The following CACNA1E variants were observed in gnomAD, a reference collection of about 807,000 sequenced individuals.
CACNA1E encodes calcium voltage-gated channel subunit alpha1 E.
In CACNA1E, 40 loss-of-function variants were observed where a neutral mutation model predicts 259.2. The ratio of observed to expected loss-of-function variants is 0.15; its 90% CI spans 0.12 to 0.20. The LOEUF (loss-of-function observed/expected upper bound fraction) is 0.20. Among genes scored for constraint, CACNA1E ranks in the 10% least tolerant of loss-of-function variants. CACNA1E has a pLI of 1.00. For missense variants in CACNA1E, 1,874 were observed against 3,040.1 expected, an observed-to-expected ratio of 0.62 and a Z score of 9.02; for synonymous variants, 1,104 against 1,138.5, an observed-to-expected ratio of 0.97 and a Z score of 0.61.
intron 1 of CACNA1E, among the ~76,000 whole-genome samples, chr1:181,378,613 T>A (rs776636984): frequency 1.7e-4 from 26 of 152,314 alleles, no homozygotes; most frequent in Non-Finnish European, 2.4e-4. Flanking sequence ...TAAGTGCATG[T>A]ATGTGAGGAA....
chr1:181,399,797 A>G (rs896547368), intron 1 of CACNA1E, among the ~76,000 whole-genome samples: 6 of 152,256 alleles, frequency 3.9e-5, no homozygotes, highest in African/African-American at 1.2e-4. Flanking sequence ...ACAGGGTGGT[A>G]TGCTTGATGA....
At chr1:181,594,167 T>C (rs533252946) in intron 6 of CACNA1E, among the ~76,000 whole-genome samples, 2 of 151,556 alleles carry the variant, frequency 1.3e-5, no homozygotes, top group Middle Eastern at 3.2e-3. Context: ...GTAATAGATA[T>C]AATAGGTAAA....
intron 39 of CACNA1E, among the ~76,000 whole-genome samples, chr1:181,782,878 CG>C (rs1660543046): frequency 6.6e-6 from 1 of 152,058 alleles, no homozygotes; most frequent in African/African-American, 2.4e-5. Flanking sequence ...AGAAGGGGAG[CG>C]GGGATTGGAG....
At chr1:181,689,747 CAT>C (rs1174699109) in intron 7 of CACNA1E, among the ~76,000 whole-genome samples, 4 of 152,092 alleles carry the variant, frequency 2.6e-5, no homozygotes, top group African/African-American at 7.2e-5. Flanking sequence ...AGCTTTTTTT[CAT>C]ATGTTTCTTG....
At chr1:181,588,042 C>G (rs1240089662) in intron 6 of CACNA1E, among the ~76,000 whole-genome samples, 1 of 152,186 alleles carries the variant, frequency 6.6e-6, no homozygotes, top group East Asian at 1.9e-4. Context: ...CGCACTGCCC[C>G]CAGTGGAAGG....
chr1:181,583,333 C>T lies in CACNA1E; in HGVS notation c.951+2557C>T, dbSNP rs540748206. Among the ~76,000 whole-genome samples the T allele has an allele frequency of 6.1e-4, 93 of 152,188 alleles. 1 individual carries two copies. Among genetic ancestry groups the T allele is most frequent in the Non-Finnish European group, 8.2e-4 (56 of 68,032 alleles). On this transcript the variant is annotated intron_variant, in intron 6 of 47. Transcript: ENST00000367573. ...ACTGTATTGATTTTCCTTTCTACCA[C>T]TCCTCATTCTGGGAAGGCCCAGTTC...
rs946055926 is a variant in CACNA1E, at chr1:181,752,068, C to G, written c.3732-75C>G. ...TCTCTCCCCTTTTAGCCTGTTGTTA[C>G]TAATGCCATAGTTTGAATGTCATTT... On this transcript the variant is annotated intron_variant, in intron 26 of 47. Transcript: ENST00000367573. 5.8e-6 allele frequency: 6 copies of G among 1,042,140 alleles called. No homozygotes were observed. The African/African-American group carries it at 7.8e-5, about 14-fold the overall frequency. The allele number at this position is 1,042,140 out of a possible 1,614,324, so 64.6% of individuals were successfully genotyped here.
intron 6 of CACNA1E, among the ~76,000 whole-genome samples, chr1:181,599,199 A>G (rs1230726018): frequency 6.6e-6 from 1 of 151,884 alleles, no homozygotes; most frequent in Non-Finnish European, 1.5e-5. Flanking sequence ...CCCACTTATA[A>G]GTGAGAACAT....
chr1:181,657,868 T>C (rs1302828939), intron 7 of CACNA1E, among the ~76,000 whole-genome samples: 1 of 152,146 alleles, frequency 6.6e-6, no homozygotes, highest in Admixed American at 6.5e-5. Flanking sequence ...ATTCAGTGAG[T>C]GTTTGTTGGC....
intron 1 of CACNA1E, among the ~76,000 whole-genome samples, chr1:181,330,634 G>T (rs1047119314): frequency 1.3e-5 from 2 of 152,194 alleles, no homozygotes; most frequent in African/African-American, 4.8e-5. Context: ...ACATAAAGCT[G>T]CCCAAGTCCC....
chr1:181,469,766 T>G (rs756690160), intron 2 of CACNA1E, among the ~76,000 whole-genome samples: 1 of 151,626 alleles, frequency 6.6e-6, no homozygotes, highest in Non-Finnish European at 1.5e-5. Context: ...AAGGAGGAGT[T>G]TGGAAATGCT....
At chr1:181,361,393 C>T (rs1055691426) in intron 1 of CACNA1E, among the ~76,000 whole-genome samples, 7 of 152,160 alleles carry the variant, frequency 4.6e-5, no homozygotes, top group Non-Finnish European at 1.0e-4. Flanking sequence ...CTACTTTGGG[C>T]AGGGACCCCT....
intron 7 of CACNA1E, among the ~76,000 whole-genome samples, chr1:181,696,506 C>T (rs1651720879): frequency 6.6e-6 from 1 of 152,170 alleles, no homozygotes; most frequent in Non-Finnish European, 1.5e-5. Context: ...GTTACCCCTT[C>T]AGAAGTAAAG....
chr1:181,644,998 A>G (rs1256160636), intron 6 of CACNA1E, among the ~76,000 whole-genome samples: 2 of 152,180 alleles, frequency 1.3e-5, no homozygotes, highest in Non-Finnish European at 2.9e-5. Context: ...ATTAGCAGCC[A>G]ACAGTTACAT....
At chr1:181,559,583 G>A (rs1046290755) in intron 3 of CACNA1E, among the ~76,000 whole-genome samples, 19 of 152,324 alleles carry the variant, frequency 1.2e-4, no homozygotes, top group African/African-American at 4.6e-4. Context: ...TTCAAGGAGA[G>A]GGTACTAAAC....
chr1:181,709,766 T>G (rs1653152157), intron 7 of CACNA1E, among the ~76,000 whole-genome samples: 2 of 152,138 alleles, frequency 1.3e-5, no homozygotes, highest in African/African-American at 4.8e-5. Flanking sequence ...GTGCTGGGAT[T>G]ACAGGCATGA....
At chr1:181,478,704 C>T (rs1200150776), upstream of CACNA1E, among the ~76,000 whole-genome samples, 1 of 152,250 alleles carries the variant, frequency 6.6e-6, no homozygotes, top group Non-Finnish European at 1.5e-5. Context: ...ATGAAGCCCA[C>T]ATTCACAGAC....
intron 37 of CACNA1E, among the ~76,000 whole-genome samples, chr1:181,774,147 G>A (rs957357057): frequency 5.3e-5 from 8 of 152,216 alleles, no homozygotes; most frequent in Non-Finnish European, 8.8e-5. Context: ...TGGAGCAAGC[G>A]TAACAACAAG....
chr1:181,756,729 G>A (rs532392550), intron 29 of CACNA1E, among the ~76,000 whole-genome samples, 196 bp from the exon 30 acceptor site: 5 of 152,288 alleles, frequency 3.3e-5, no homozygotes, highest in Admixed American at 6.5e-5. Context: ...AGTTGAGTGC[G>A]TGATGGAACA....
Sources: allele counts gnomAD v4.1 joint callset (sites outside exome capture counted in the v4.1 genomes callset), GRCh38; gene constraint gnomAD v4.1.1; transcripts MANE v1.5; gene names NCBI Gene and HGNC (gene_info 2026-07-23, HGNC 2026-07-21).